FHOD3: variants seen among roughly 807,000 people sequenced by gnomAD.
FHOD3 encodes FH1/FH2 domain-containing protein 3.
Under a neutral mutation model 173.0 loss-of-function variants are expected in FHOD3, and 90 were observed. The observed-to-expected ratio is 0.52, with a 90% confidence interval of 0.44 to 0.62. The LOEUF is 0.62. FHOD3 is among the 20% of genes least tolerant of loss of function. The pLI is 0.00. For missense variants in FHOD3, 1,945 were observed against 2,034.7 expected, an observed-to-expected ratio of 0.96 and a Z score of 0.85; for synonymous variants, 828 against 823.0, an observed-to-expected ratio of 1.01 and a Z score of -0.10.
intron 3 of FHOD3, among the ~76,000 whole-genome samples, chr18:36,418,072 T>C (rs1286614260): frequency 6.6e-6 from 1 of 152,348 alleles, no homozygotes; most frequent in East Asian, 1.9e-4. Flanking sequence ...TCATAGTGTT[T>C]GGTTTTTGCG....
chr18:36,521,547 T>C (rs934591970), intron 5 of FHOD3, among the ~76,000 whole-genome samples: 1 of 152,204 alleles, frequency 6.6e-6, no homozygotes, highest in African/African-American at 2.4e-5. Context: ...TTAGGGCTTC[T>C]CTAAACCTTG....
chr18:36,762,563 G>A (rs1259871601), intron 27 of FHOD3, among the ~76,000 whole-genome samples: 1 of 152,116 alleles, frequency 6.6e-6, no homozygotes, highest in Non-Finnish European at 1.5e-5. Context: ...TTGGGAGGCC[G>A]AGGTCGGTGG....
At chr18:36,517,303 CT>C (rs1213796641) in intron 5 of FHOD3, among the ~76,000 whole-genome samples, 1 of 152,156 alleles carries the variant, frequency 6.6e-6, no homozygotes, top group African/African-American at 2.4e-5. Context: ...GGAACTTAAA[CT>C]TTCTGCACAC....
At chr18:36,702,218 G>A (rs1408499857) in intron 17 of FHOD3, among the ~76,000 whole-genome samples, 2 of 152,280 alleles carry the variant, frequency 1.3e-5, no homozygotes, top group South Asian at 2.1e-4. Context: ...AGAAGTGGAA[G>A]GTTGGTGCTG....
chr18:36,624,204 T>C (rs1395734844), intron 9 of FHOD3, among the ~76,000 whole-genome samples: 1 of 152,202 alleles, frequency 6.6e-6, no homozygotes, highest in Non-Finnish European at 1.5e-5. Context: ...GTCATATTCA[T>C]TGAGTACCAC....
intron 19 of FHOD3, among the ~76,000 whole-genome samples, chr18:36,725,826 A>C (rs2041035365): frequency 1.3e-5 from 2 of 152,182 alleles, no homozygotes; most frequent in Admixed American, 1.3e-4. Flanking sequence ...CACTAATCTT[A>C]GTGTCTTTGT....
At chr18:36,706,230 G>A (rs961201800) in intron 17 of FHOD3, among the ~76,000 whole-genome samples, 10 of 152,134 alleles carry the variant, frequency 6.6e-5, no homozygotes, top group Non-Finnish European at 1.0e-4. Flanking sequence ...AGCTAGAGAA[G>A]GGCTCTGCCG....
At chr18:36,440,845 G>A (rs1372625214) in intron 3 of FHOD3, among the ~76,000 whole-genome samples, 1 of 152,098 alleles carries the variant, frequency 6.6e-6, no homozygotes, top group Non-Finnish European at 1.5e-5. Context: ...CTGAGGCTGG[G>A]CACTTGGCCC....
intron 3 of FHOD3, among the ~76,000 whole-genome samples, chr18:36,451,982 C>T (rs1246776897): frequency 1.3e-5 from 2 of 150,982 alleles, no homozygotes; most frequent in African/African-American, 2.5e-5. Context: ...CAAATTTGTC[C>T]ACTTTTGTAC....
Position 36,687,169 on chromosome 18 carries a change from G to C in FHOD3, c.2012G>C (p.Arg671Thr). The C allele has an allele frequency of 6.2e-7, 1 of 1,610,522 alleles. No individual in the cohort carries two copies. Among genetic ancestry groups the C allele is most frequent in the Non-Finnish European group, 8.5e-7 (1 of 1,177,338 alleles). The change falls in exon 16 of 29, where the codon AGA becomes ACA. Residue 671 changes from arginine (R) to threonine (T), a missense_variant. Transcript: ENST00000590592. ...AAAAGAGAGGAGCAAAGGCAAGCAA[G>C]AGAAGAAAGGTTTGTATATTTCTTC... is the stretch of plus-strand genomic sequence containing the variant. ...LDKREEQRQAREERYKYLEQL... is the reference protein window; with the variant it reads ...LDKREEQRQATEERYKYLEQL...
At position 36,718,361 on chromosome 18, in the gene FHOD3, A is replaced by AAC; in HGVS notation, c.3063_3064insAC (p.Pro1022ThrfsTer47). ...TGGGTCACAGGGAGGCCCCTGGGCC[A>AAC]CCTCCCCCACCCCCACCCACCTTTC... On this transcript the variant is annotated frameshift_variant, in exon 19 of 29. Coordinates refer to ENST00000590592, the MANE Select transcript of FHOD3 (RefSeq NM_001281740.3). LOFTEE classifies it high-confidence loss of function. The AAC allele has an allele frequency of 7.5e-7, 1 of 1,329,378 alleles. No individual in the cohort carries two copies. The highest frequency in any genetic ancestry group is 1.0e-6 in the Non-Finnish European group (1 of 986,034). 82.3% of individuals were successfully genotyped at this position (1,329,378 alleles called of 1,614,324 possible). A position where few individuals can be genotyped will look rare whatever the true frequency, so the allele number is the denominator to read the frequency against.
intron 3 of FHOD3, among the ~76,000 whole-genome samples, chr18:36,464,313 G>A (rs935154086): frequency 7.9e-5 from 12 of 152,348 alleles, no homozygotes; most frequent in East Asian, 1.9e-4. Flanking sequence ...CATTAGTAAC[G>A]TTTGAGCAGT....
At chr18:36,339,076 C>T (rs1195047616) in intron 1 of FHOD3, among the ~76,000 whole-genome samples, 1 of 151,996 alleles carries the variant, frequency 6.6e-6, no homozygotes, top group Non-Finnish European at 1.5e-5. Flanking sequence ...AGGGTGGGGC[C>T]CCAGGTTCCT....
At position 36,526,174 on chromosome 18, in the gene FHOD3, G is replaced by A. The variant is rs1025311807; in HGVS notation, c.511+13631G>A. Among the ~76,000 whole-genome samples, 13 of 152,356 alleles carry A rather than the reference G, an allele frequency of 8.5e-5. No homozygotes were observed. In the South Asian group the frequency reaches 2.3e-3, roughly 27 times the overall value. On this transcript the variant is annotated intron_variant, in intron 5 of 28. Transcript: ENST00000590592. ...AAGGGCTCGGCCAAGGCCCCTCGTC[G>A]TAAGGAACTTGGCAGTGGCTTAGCA...
chr18:36,579,465 C>T (rs2058768901), intron 6 of FHOD3, among the ~76,000 whole-genome samples: 1 of 152,122 alleles, frequency 6.6e-6, no homozygotes, highest in Admixed American at 6.5e-5. Context: ...TCACTGTGAG[C>T]AGGGAGAGAT....
At chr18:36,718,940 G>A (rs952337170) in intron 19 of FHOD3, among the ~76,000 whole-genome samples, 6 of 152,144 alleles carry the variant, frequency 3.9e-5, no homozygotes, top group Non-Finnish European at 7.3e-5. Context: ...ACTTATATTA[G>A]GCAAAGGAGC....
At chr18:36,532,276 T>C (rs1182535181) in intron 5 of FHOD3, among the ~76,000 whole-genome samples, 2 of 152,210 alleles carry the variant, frequency 1.3e-5, no homozygotes, top group Non-Finnish European at 2.9e-5. Flanking sequence ...AGGGCAGTGA[T>C]TGCCACAATC....
chr18:36,482,597 A>T (rs1424240486), intron 3 of FHOD3, among the ~76,000 whole-genome samples: 2 of 152,176 alleles, frequency 1.3e-5, no homozygotes, highest in African/African-American at 4.8e-5. Flanking sequence ...TTCTACCCTG[A>T]GCAACTGATG....
At chr18:36,585,422 C>T (rs1298637330) in intron 6 of FHOD3, among the ~76,000 whole-genome samples, 2 of 152,064 alleles carry the variant, frequency 1.3e-5, no homozygotes, top group East Asian at 1.9e-4. Context: ...ATGTTAGAGT[C>T]CCCCATGTGA....
Sources: gnomAD v4.1 joint callset for allele counts (sites outside exome capture counted in the v4.1 genomes callset) on GRCh38, gnomAD v4.1.1 for gene constraint, MANE v1.5 for transcripts, NCBI Gene and HGNC (gene_info 2026-07-23, HGNC 2026-07-21) for gene names.